FANK1: variants seen among roughly 807,000 people sequenced by gnomAD.
The protein encoded by FANK1 is fibronectin type 3 and ankyrin repeat domains protein 1.
Under a neutral mutation model 45.3 loss-of-function variants are expected in FANK1, and 44 were observed. The observed-to-expected ratio is 0.97, with a 90% CI of 0.76 to 1.25. The LOEUF is 1.25. Among genes scored for constraint, FANK1 ranks in the 50% most tolerant of loss-of-function variants. The pLI is 0.00. For missense variants in FANK1, 391 were observed against 424.4 expected, an observed-to-expected ratio of 0.92 and a Z score of 0.69; for synonymous variants, 149 against 152.5, an observed-to-expected ratio of 0.98 and a Z score of 0.17.
intron 1 of FANK1, among the ~76,000 whole-genome samples, chr10:125,953,003 A>G (rs1004499261): frequency 2.0e-5 from 3 of 152,168 alleles, no homozygotes; most frequent in Admixed American, 6.5e-5. Flanking sequence ...ACTTCAGGAT[A>G]CTGGTCAGCC....
intron 1 of FANK1, among the ~76,000 whole-genome samples, chr10:125,914,902 T>G (rs1946325605): frequency 6.6e-6 from 1 of 152,014 alleles, no homozygotes. Context: ...GGGGATGAGG[T>G]AGAACTGCTG....
At chr10:125,951,290 G>A (rs1275326595) in intron 1 of FANK1, among the ~76,000 whole-genome samples, 1 of 151,240 alleles carries the variant, frequency 6.6e-6, no homozygotes, top group Non-Finnish European at 1.5e-5. Flanking sequence ...GGAATAGACT[G>A]GCCAAGATCT....
At chr10:125,942,274 G>A (rs1339260788) in intron 1 of FANK1, among the ~76,000 whole-genome samples, 2 of 152,158 alleles carry the variant, frequency 1.3e-5, no homozygotes, top group Non-Finnish European at 2.9e-5. Flanking sequence ...GTCACAATTT[G>A]TTCTTAGAAA....
At chr10:125,971,843 C>A (rs191711212) in intron 1 of FANK1, among the ~76,000 whole-genome samples, 17 of 152,054 alleles carry the variant, frequency 1.1e-4, no homozygotes, top group Non-Finnish European at 2.5e-4. Flanking sequence ...AGGATGGTCT[C>A]GATCTCGTGA....
chr10:125,993,574 A>G (rs1952089699), intron 3 of FANK1, among the ~76,000 whole-genome samples: 1 of 152,138 alleles, frequency 6.6e-6, no homozygotes, highest in South Asian at 2.1e-4. Flanking sequence ...CGTTGTGGCA[A>G]TCAAAAATGT....
intron 6 of FANK1, among the ~76,000 whole-genome samples, chr10:126,000,684 A>T (rs1268534635): frequency 6.6e-6 from 1 of 152,214 alleles, no homozygotes; most frequent in Non-Finnish European, 1.5e-5. Flanking sequence ...CATTGAAAGG[A>T]ATCATTAAGA....
intron 1 of FANK1, among the ~76,000 whole-genome samples, chr10:125,897,767 G>C (rs536076290): frequency 1.3e-5 from 2 of 152,398 alleles, no homozygotes; most frequent in African/African-American, 4.8e-5. Flanking sequence ...AAGAAATTTA[G>C]CATACAAGAA....
chr10:125,970,527 T>C (rs1950446051), intron 1 of FANK1, among the ~76,000 whole-genome samples: 1 of 152,146 alleles, frequency 6.6e-6, no homozygotes, highest in South Asian at 2.1e-4. Context: ...TGGGCAGCAT[T>C]GAGCACTGAG....
At chr10:125,956,205 G>C (rs1041650009) in intron 1 of FANK1, among the ~76,000 whole-genome samples, 5 of 145,986 alleles carry the variant, frequency 3.4e-5, no homozygotes, top group African/African-American at 1.0e-4. Flanking sequence ...CATTTTTTGG[G>C]GGGGGGGCGG....
chr10:125,981,739 A>G (rs1476719598), intron 2 of FANK1, among the ~76,000 whole-genome samples: 2 of 152,190 alleles, frequency 1.3e-5, no homozygotes, highest in Non-Finnish European at 2.9e-5. Context: ...CCCCTATGGT[A>G]ACATCTTTGA....
At chr10:125,949,836 G>A (rs1457976433) in intron 1 of FANK1, among the ~76,000 whole-genome samples, 1 of 148,192 alleles carries the variant, frequency 6.7e-6, no homozygotes, top group Non-Finnish European at 1.5e-5. Flanking sequence ...GAACAAAGCT[G>A]GAGGCATCAC....
intron 1 of FANK1, among the ~76,000 whole-genome samples, chr10:125,924,922 G>A (rs1447084579): frequency 5.6e-5 from 8 of 144,078 alleles, no homozygotes; most frequent in Non-Finnish European, 1.5e-5. Context: ...TTATCTTCAA[G>A]CTATGGGCTA....
chr10:125,945,692 C>T (rs1031183190), intron 1 of FANK1, among the ~76,000 whole-genome samples: 6 of 152,200 alleles, frequency 3.9e-5, no homozygotes, highest in Admixed American at 3.3e-4. Context: ...CTGCTATTGC[C>T]CAGGCTTGCT....
At chr10:125,897,612 G>A (rs756129418) in intron 1 of FANK1, among the ~76,000 whole-genome samples, 108 of 152,400 alleles carry the variant, frequency 7.1e-4, no homozygotes, top group Middle Eastern at 3.4e-3. Context: ...TTTCCACCAA[G>A]AAAGTTTCAA....
rs545755629 is a variant in FANK1 at position 125,900,134 on chromosome 10, A to G, written c.13+3479A>G. On this transcript the variant is annotated intron_variant, in intron 1 of 10. Coordinates refer to ENST00000368693, the MANE Select transcript of FANK1 (RefSeq NM_145235.5). ...GCAGGGGCTACCACTGTTTTACAGA[A>G]TAATAGTAAGTCAATGATCCAAGAA... Among the ~76,000 whole-genome samples the G allele has an allele frequency of 5.2e-5, 8 of 152,422 alleles. No homozygotes were observed. In the East Asian group the frequency reaches 1.5e-3, roughly 29 times the overall value.
chr10:125,955,449 C>T (rs1949518081), intron 1 of FANK1, among the ~76,000 whole-genome samples: 1 of 152,102 alleles, frequency 6.6e-6, no homozygotes, highest in East Asian at 1.9e-4. Context: ...CTTTTTATGG[C>T]TGCATAGTTG....
chr10:125,977,377 A>G (rs1196978749), intron 1 of FANK1, among the ~76,000 whole-genome samples: 1 of 152,076 alleles, frequency 6.6e-6, no homozygotes. Flanking sequence ...TTGGTATTGA[A>G]GCTTTGGGGT....
At chr10:126,007,681 G>T (rs553848354) in intron 7 of FANK1, among the ~76,000 whole-genome samples, 5 of 90,910 alleles carry the variant, frequency 5.5e-5, no homozygotes, top group Admixed American at 1.9e-4. Context: ...CATGGTATGC[G>T]TGTGTGCACA....
At chr10:125,999,600 C>T (rs1952606539) in intron 6 of FANK1, among the ~76,000 whole-genome samples, 1 of 152,056 alleles carries the variant, frequency 6.6e-6, no homozygotes, top group South Asian at 2.1e-4. Flanking sequence ...TTGGCAAATT[C>T]CTTTCCAAAA....
Sources: gnomAD v4.1 joint callset for allele counts (sites outside exome capture counted in the v4.1 genomes callset) on GRCh38, gnomAD v4.1.1 for gene constraint, MANE v1.5 for transcripts, NCBI Gene and HGNC (gene_info 2026-07-23, HGNC 2026-07-21) for gene names.